The following TBL1XR1 variants were observed in gnomAD, a reference collection of about 807,000 sequenced individuals.
TBL1XR1 encodes the protein F-box-like/WD repeat-containing protein TBL1XR1.
In TBL1XR1, 5 loss-of-function variants were observed where a neutral mutation model predicts 66.9. The ratio of observed to expected loss-of-function variants is 0.07; its 90% CI spans 0.04 to 0.16. The LOEUF is 0.16. TBL1XR1 is among the 10% of genes least tolerant of loss of function. The pLI, the probability that TBL1XR1 is intolerant of heterozygous loss-of-function variation, is 1.00. For missense variants in TBL1XR1, 238 were observed against 623.2 expected (o/e 0.38, Z 6.58); for synonymous variants, 210 against 206.0 (o/e 1.02, Z -0.17).
intron 1 of TBL1XR1, among the ~76,000 whole-genome samples, chr3:177,114,041 G>A (rs903765841): frequency 2.6e-5 from 4 of 152,044 alleles, no homozygotes; most frequent in Admixed American, 2.6e-4. Flanking sequence ...TAGACAAAAA[G>A]AATAAACTTC....
At chr3:177,166,797 A>G (rs1339121274) in intron 1 of TBL1XR1, among the ~76,000 whole-genome samples, 2 of 152,242 alleles carry the variant, frequency 1.3e-5, no homozygotes, top group Non-Finnish European at 2.9e-5. Flanking sequence ...CAATAATGAA[A>G]TATCACTACA....
rs189679114 is a variant in TBL1XR1 at position 177,151,826 on chromosome 3, C to A, written c.-122+45295G>T. 5.9e-4 allele frequency among the ~76,000 whole-genome samples: 90 copies of A among 152,280 alleles called. No individual in the cohort carries two copies. In the East Asian group the frequency reaches 0.014, roughly 23 times the overall value. On this transcript the variant is annotated intron_variant, in intron 1 of 15. Transcript: ENST00000457928. ...ATCACCTGAGTTCAGAAGTTTGAGA[C>A]CAACCTGGCCACCACGGTGAAACCC...
rs111742762 is a variant in TBL1XR1 at position 177,074,580 on chromosome 3, G to A, written c.-45-9558C>T. ...ACAACTTCCTCATCCCCACCTTCTCGTGAGCCTGAAATCTGATCCCCGGCA... is the reference window on the plus strand; with the variant it reads ...ACAACTTCCTCATCCCCACCTTCTCATGAGCCTGAAATCTGATCCCCGGCA... On this transcript the variant is annotated intron_variant, in intron 2 of 15. Transcript: ENST00000457928. 3.8e-3 allele frequency among the ~76,000 whole-genome samples: 577 copies of A among 152,036 alleles called. 12 individuals are homozygous for A. The highest frequency in any genetic ancestry group is 0.013 in the African/African-American group (543 of 41,454).
At chr3:177,046,869 T>C (rs1716397054) in intron 9 of TBL1XR1, among the ~76,000 whole-genome samples, 1 of 152,164 alleles carries the variant, frequency 6.6e-6, no homozygotes, top group Non-Finnish European at 1.5e-5. Context: ...TTCCAACTCA[T>C]CTATATTCAC....
chr3:177,045,445 T>C (rs1716194799), intron 10 of TBL1XR1, among the ~76,000 whole-genome samples: 1 of 152,086 alleles, frequency 6.6e-6, no homozygotes, highest in Non-Finnish European at 1.5e-5. Context: ...TGGCTGGCTC[T>C]ACTCAAGCTG....
At chr3:177,147,088 C>T (rs1730348394) in intron 1 of TBL1XR1, among the ~76,000 whole-genome samples, 1 of 151,618 alleles carries the variant, frequency 6.6e-6, no homozygotes, top group African/African-American at 2.4e-5. Context: ...ACTCTATCAC[C>T]CAGCCTGGAG....
At chr3:177,127,451 A>G (rs1209518273) in intron 1 of TBL1XR1, among the ~76,000 whole-genome samples, 1 of 152,212 alleles carries the variant, frequency 6.6e-6, no homozygotes, top group African/African-American at 2.4e-5. Context: ...CCAAAACCTA[A>G]AAACACAGTA....
At chr3:177,029,828 C>T (rs184152377) in intron 14 of TBL1XR1, among the ~76,000 whole-genome samples, 5 of 152,156 alleles carry the variant, frequency 3.3e-5, no homozygotes, top group African/African-American at 9.6e-5. Context: ...AACTAAAATG[C>T]TAAAGTCCAA....
chr3:177,061,127 TTTAA>T (rs1433651001), intron 3 of TBL1XR1, among the ~76,000 whole-genome samples: 14 of 152,320 alleles, frequency 9.2e-5, no homozygotes, highest in Non-Finnish European at 1.5e-4. Flanking sequence ...TATATTTTTC[TTTAA>T]TTAGTTTTGA....
At chr3:177,118,534 GA>G (rs1216854333) in intron 1 of TBL1XR1, among the ~76,000 whole-genome samples, 1 of 152,156 alleles carries the variant, frequency 6.6e-6, no homozygotes, top group African/African-American at 2.4e-5. Flanking sequence ...AAGAAGAAAG[GA>G]AATAAAAAGA....
intron 1 of TBL1XR1, among the ~76,000 whole-genome samples, chr3:177,126,352 CTTT>C (rs772140172): frequency 9.9e-5 from 15 of 152,174 alleles, no homozygotes; most frequent in Non-Finnish European, 1.8e-4. Context: ...CAACAATATT[CTTT>C]TTAAGACCAA....
intron 1 of TBL1XR1, among the ~76,000 whole-genome samples, chr3:177,183,754 T>A (rs1050218555): frequency 2.0e-5 from 3 of 150,922 alleles, no homozygotes; most frequent in Non-Finnish European, 4.4e-5. Context: ...CATGAGCCAC[T>A]GCGCCCGACC....
chr3:177,035,154 C>T (rs369135068), intron 12 of TBL1XR1, among the ~76,000 whole-genome samples: 6 of 152,058 alleles, frequency 3.9e-5, no homozygotes, highest in Admixed American at 1.3e-4. Flanking sequence ...TAAATCTGAA[C>T]GACATGTTTT....
intron 14 of TBL1XR1, 70 bp downstream of exon 14, chr3:177,032,901 G>T: frequency 8.0e-7 from 1 of 1,254,702 alleles, no homozygotes. Flanking sequence ...AAATGGTGAG[G>T]CAGAGTGTAT....
intron 1 of TBL1XR1, among the ~76,000 whole-genome samples, chr3:177,139,493 C>A (rs1465758141): frequency 6.6e-6 from 1 of 150,834 alleles, no homozygotes; most frequent in Non-Finnish European, 1.5e-5. Flanking sequence ...TGAGATCACA[C>A]CACTGTACTC....
chr3:177,057,014 T>C (rs1180534669), intron 3 of TBL1XR1, among the ~76,000 whole-genome samples: 1 of 152,212 alleles, frequency 6.6e-6, no homozygotes, highest in East Asian at 1.9e-4. Flanking sequence ...ATGATCCCCT[T>C]GGCCTTCATA....
chr3:177,111,918 C>A (rs1725614414), intron 1 of TBL1XR1, among the ~76,000 whole-genome samples: 1 of 151,062 alleles, frequency 6.6e-6, no homozygotes. Flanking sequence ...ACAACTTAAG[C>A]CTCTTAAGAC....
At chr3:177,037,891 A>G in intron 12 of TBL1XR1, 3 of 510,500 alleles carry the variant, frequency 5.9e-6, no homozygotes, top group Admixed American at 3.6e-5. Flanking sequence ...TCATTTTAAT[A>G]TAATTTGCTA....
chr3:177,060,320 A>G (rs985760921), intron 3 of TBL1XR1, among the ~76,000 whole-genome samples: 1 of 152,240 alleles, frequency 6.6e-6, no homozygotes, highest in Non-Finnish European at 1.5e-5. Flanking sequence ...GGTTATTTTT[A>G]AATAAATTTT....
Sources: allele counts gnomAD v4.1 joint callset (sites outside exome capture counted in the v4.1 genomes callset), GRCh38; gene constraint gnomAD v4.1.1; transcripts MANE v1.5; gene names NCBI Gene and HGNC (gene_info 2026-07-23, HGNC 2026-07-21).